TSHZ3: variants seen among roughly 807,000 people sequenced by gnomAD.
TSHZ3 encodes teashirt zinc finger homeobox 3.
Under a neutral mutation model 64.5 loss-of-function variants are expected in TSHZ3, and 10 were observed. The observed-to-expected ratio is 0.16, with a 90% CI of 0.10 to 0.26. The LOEUF (loss-of-function observed/expected upper bound fraction) is 0.26, where lower values mean the gene tolerates loss of function less well. Among genes scored for constraint, TSHZ3 ranks in the 10% least tolerant of loss-of-function variants. The probability of loss-of-function intolerance (pLI) is 1.00; values close to 1 mark genes in which losing one functional copy is unlikely to be tolerated. For missense variants in TSHZ3, 1,242 were observed against 1,421.7 expected, an observed-to-expected ratio of 0.87 and a Z score of 2.03; for synonymous variants, 608 against 593.1, an observed-to-expected ratio of 1.03 and a Z score of -0.36.
At chr19:31,190,198 C>T (rs1327499865) in intron 5 of TSHZ3, among the ~76,000 whole-genome samples, 3 of 152,146 alleles carry the variant, frequency 2.0e-5, no homozygotes, top group Non-Finnish European at 2.9e-5. Context: ...AGAGGAACTT[C>T]ACAGGGAAGT....
exon 7 of TSHZ3, among the ~76,000 whole-genome samples, chr19:31,150,275 G>C (rs528303544): frequency 6.6e-6 from 1 of 152,150 alleles, no homozygotes; most frequent in East Asian, 1.9e-4. Context: ...AGCCAGTCCC[G>C]GGCTCTTTCT....
At chr19:31,324,049 C>T (rs1051102688) in intron 1 of TSHZ3, among the ~76,000 whole-genome samples, 10 of 152,106 alleles carry the variant, frequency 6.6e-5, no homozygotes, top group Non-Finnish European at 1.2e-4. Context: ...GAGGAAAAAA[C>T]GTCTCCGCAG....
chr19:31,218,239 G>C (rs1975356881), intron 4 of TSHZ3, among the ~76,000 whole-genome samples: 1 of 151,872 alleles, frequency 6.6e-6, no homozygotes, highest in Admixed American at 6.6e-5. Context: ...ATGGGCCAAA[G>C]ACCTTAGCAG....
chr19:31,330,734 T>A (rs2145181378), intron 1 of TSHZ3, among the ~76,000 whole-genome samples: 2 of 149,362 alleles, frequency 1.3e-5, no homozygotes, highest in South Asian at 2.1e-4. Flanking sequence ...CCAGAACACC[T>A]ATGGGTCATG....
At chr19:31,286,641 C>A (rs567379230) in intron 1 of TSHZ3, among the ~76,000 whole-genome samples, 1 of 152,354 alleles carries the variant, frequency 6.6e-6, no homozygotes, top group East Asian at 1.9e-4. Context: ...TTTGCCTGAA[C>A]TCCTAAGACC....
At chr19:31,215,876 A>T (rs1975320304) in intron 4 of TSHZ3, among the ~76,000 whole-genome samples, 1 of 152,094 alleles carries the variant, frequency 6.6e-6, no homozygotes, top group Admixed American at 6.5e-5. Flanking sequence ...GTCTCAAAAA[A>T]AAAGGTATTA....
intron 4 of TSHZ3, among the ~76,000 whole-genome samples, chr19:31,225,623 C>A (rs74574125): frequency 0.042 from 6,468 of 152,270 alleles, 204 homozygotes; most frequent in South Asian, 0.086. Context: ...CATCCTCCCC[C>A]ACCTTCCTTC....
intron 1 of TSHZ3, among the ~76,000 whole-genome samples, chr19:31,341,463 T>C (rs1056177551): frequency 3.9e-5 from 6 of 152,048 alleles, no homozygotes; most frequent in African/African-American, 1.2e-4. Context: ...CTCCCGGACA[T>C]GTCATGCAAC....
chr19:31,200,646 T>C (rs1451817998), intron 5 of TSHZ3, among the ~76,000 whole-genome samples: 2 of 152,166 alleles, frequency 1.3e-5, no homozygotes, highest in Non-Finnish European at 2.9e-5. Flanking sequence ...AATACTACGA[T>C]GTTGCATACT....
intron 1 of TSHZ3, among the ~76,000 whole-genome samples, chr19:31,312,536 T>C (rs1916488379): frequency 6.6e-6 from 1 of 152,176 alleles, no homozygotes; most frequent in Non-Finnish European, 1.5e-5. Context: ...ATGTCCTCTC[T>C]CTTCCTCTTT....
chr19:31,166,509 G>C (rs968600151), intron 5 of TSHZ3, among the ~76,000 whole-genome samples: 2 of 152,192 alleles, frequency 1.3e-5, no homozygotes, highest in South Asian at 4.1e-4. Context: ...CTGCAGCCAA[G>C]AAGGGAGAGG....
At chr19:31,311,000 C>T (rs1916440880) in intron 1 of TSHZ3, among the ~76,000 whole-genome samples, 1 of 152,160 alleles carries the variant, frequency 6.6e-6, no homozygotes, top group Non-Finnish European at 1.5e-5. Flanking sequence ...CATGCAATGT[C>T]CAGGAAACTC....
At chr19:31,157,848 G>C (rs1974325339) in intron 5 of TSHZ3, among the ~76,000 whole-genome samples, 1 of 152,192 alleles carries the variant, frequency 6.6e-6, no homozygotes, top group African/African-American at 2.4e-5. Flanking sequence ...GCTCCCAAGG[G>C]AGGTAGGCAG....
chr19:31,152,283 CGT>C (rs3064806), intron 6 of TSHZ3, among the ~76,000 whole-genome samples: 125,737 of 147,282 alleles, frequency 0.85, 53,592 homozygotes, highest in Middle Eastern at 0.92. Flanking sequence ...TATATGTGAG[CGT>C]GTGTGTGTGT....
intron 4 of TSHZ3, among the ~76,000 whole-genome samples, chr19:31,224,103 T>G (rs1429665753): frequency 6.6e-6 from 1 of 152,206 alleles, no homozygotes; most frequent in Admixed American, 6.5e-5. Flanking sequence ...AGTTACTATT[T>G]ACAGGAAACT....
At chr19:31,255,284 A>T (rs1196774158) in intron 1 of TSHZ3, among the ~76,000 whole-genome samples, 2 of 151,908 alleles carry the variant, frequency 1.3e-5, no homozygotes, top group East Asian at 3.9e-4. Context: ...TCTGCTTGCT[A>T]CCCTCTGCAG....
At chr19:31,178,119 G>C (rs1188974700) in intron 5 of TSHZ3, among the ~76,000 whole-genome samples, 1 of 152,190 alleles carries the variant, frequency 6.6e-6, no homozygotes, top group African/African-American at 2.4e-5. Context: ...AAGATACTTA[G>C]CTCAGGGTTA....
chr19:31,312,506 C>T (rs748870355), intron 1 of TSHZ3, among the ~76,000 whole-genome samples: 8 of 152,186 alleles, frequency 5.3e-5, no homozygotes, highest in Non-Finnish European at 1.2e-4. Flanking sequence ...CTGTTGCTTC[C>T]TGAACCCCTT....
chr19:31,156,224 T>C (rs1039088796), intron 6 of TSHZ3, among the ~76,000 whole-genome samples: 6 of 152,242 alleles, frequency 3.9e-5, no homozygotes, highest in Admixed American at 2.0e-4. Flanking sequence ...AATGATGTAT[T>C]ATGAGTACCT....
Sources: gnomAD v4.1 joint callset for allele counts (sites outside exome capture counted in the v4.1 genomes callset) on GRCh38, gnomAD v4.1.1 for gene constraint, MANE v1.5 for transcripts, NCBI Gene and HGNC (gene_info 2026-07-23, HGNC 2026-07-21) for gene names.